SI: variants seen among roughly 807,000 people sequenced by gnomAD.
SI encodes the protein sucrase-isomaltase.
In SI, 235 loss-of-function variants were observed where a neutral mutation model predicts 253.3. The observed-to-expected ratio is 0.93, with a 90% CI of 0.83 to 1.03. SI has a LOEUF of 1.03. Ranked by LOEUF, SI falls within the 50% of genes least tolerant of loss-of-function variation. The pLI, the probability that SI is intolerant of heterozygous loss-of-function variation, is 0.00. For missense variants in SI, 2,442 were observed against 2,211.1 expected (o/e 1.10, Z -2.09); for synonymous variants, 819 against 712.0 (o/e 1.15, Z -2.39).
chr3:165,086,068 A>G, the SI span, among the ~76,000 whole-genome samples: 4 of 152,096 alleles, frequency 2.6e-5, no homozygotes, highest in African/African-American at 4.8e-5. Flanking sequence ...AGCCTAGTCA[A>G]CATAGTGAAA....
chr3:164,995,441 C>A (rs1717966008), intron 40 of SI, among the ~76,000 whole-genome samples: 1 of 151,766 alleles, frequency 6.6e-6, no homozygotes, highest in Non-Finnish European at 1.5e-5. Context: ...GCATCTAATT[C>A]TAAACTATAC....
intron 25 of SI, among the ~76,000 whole-genome samples, chr3:165,029,591 T>TCCAC (rs1486571450): frequency 6.9e-6 from 1 of 145,534 alleles, no homozygotes; most frequent in East Asian, 2.0e-4. Flanking sequence ...CATATATATG[T>TCCAC]ATATATATAC....
chr3:164,993,823 T>C (rs1717887377), intron 41 of SI, among the ~76,000 whole-genome samples: 1 of 151,666 alleles, frequency 6.6e-6, no homozygotes, highest in African/African-American at 2.4e-5. Flanking sequence ...GTGTATCTCA[T>C]TGGGATACAT....
Position 165,048,584 on chromosome 3 carries a change from TAGAGAG to T in SI, c.1715+537_1715+542del, listed in dbSNP as rs566703011. 2.5e-4 allele frequency among the ~76,000 whole-genome samples: 31 copies of T among 125,262 alleles called. No homozygotes were observed. The South Asian group carries it at 6.1e-3, about 25-fold the overall frequency. The allele number at this position is 125,262 out of a possible 152,430, so 82.2% of individuals were successfully genotyped here. A position where few individuals can be genotyped will look rare whatever the true frequency, so the allele number is the denominator to read the frequency against. ...ATATATATGTATATATATATATATA[TAGAGAG>T]AGAGAGAGAGAGAGAGAGTCATTCT... On this transcript the variant is annotated intron_variant, in intron 15 of 47. Coordinates refer to ENST00000264382, the MANE Select transcript of SI (RefSeq NM_001041.4).
At chr3:165,088,035 T>G in the SI span, among the ~76,000 whole-genome samples, 1 of 152,126 alleles carries the variant, frequency 6.6e-6, no homozygotes, top group African/African-American at 2.4e-5. Flanking sequence ...AAAATTCATA[T>G]GTATGTAAAA....
intron 47 of SI, among the ~76,000 whole-genome samples, chr3:164,979,747 T>G (rs1355099006): frequency 6.6e-6 from 1 of 151,818 alleles, no homozygotes; most frequent in Non-Finnish European, 1.5e-5. Context: ...AAATATGGAG[T>G]TATTTATAAC....
intron 12 of SI, among the ~76,000 whole-genome samples, chr3:165,055,732 A>C (rs917123478): frequency 1.3e-5 from 2 of 152,216 alleles, no homozygotes; most frequent in South Asian, 2.1e-4. Context: ...ATTTGTATGA[A>C]TAAACATGAA....
chr3:165,032,024 C>T (rs899838633), intron 24 of SI, among the ~76,000 whole-genome samples: 2 of 150,978 alleles, frequency 1.3e-5, no homozygotes, highest in Non-Finnish European at 3.0e-5. Context: ...AGGCTTTCTA[C>T]AGGAGAAGAA....
rs1712310758 is a variant in SI at position 165,032,618 on chromosome 3, G to A, written c.2640C>T (p.Ile880=). Residue 880 remains isoleucine (I), a synonymous_variant, in exon 24 of 48, where the codon ATC becomes ATT. Transcript: ENST00000264382. ...GTTLAFQTVK[I]LGLTDSVTEV... Reference sequence around the variant, plus strand: ...CTGTAACACTGTCTGTCAACCCAAGGATTTTTACAGTCTGAAATGCTAAGG... The same window carrying A: ...CTGTAACACTGTCTGTCAACCCAAGAATTTTTACAGTCTGAAATGCTAAGG... 1 of 1,608,110 alleles carries A rather than the reference G, an allele frequency of 6.2e-7. No individual in the cohort carries two copies. Among genetic ancestry groups the A allele is most frequent in the Admixed American group, 1.7e-5 (1 of 59,572 alleles).
At chr3:165,053,922 T>C (rs1403279682) in intron 13 of SI, among the ~76,000 whole-genome samples, 1 of 151,916 alleles carries the variant, frequency 6.6e-6, no homozygotes, top group East Asian at 1.9e-4. Flanking sequence ...CAATTGCTAG[T>C]TATTAGTGGT....
intron 15 of SI, 127 bp downstream of exon 15, chr3:165,049,000 C>T: frequency 4.4e-6 from 3 of 683,842 alleles, no homozygotes; most frequent in Non-Finnish European, 8.0e-6. Flanking sequence ...AACTTTTTAG[C>T]AGGCATAAAA....
chr3:165,076,630 G>A (rs762747088), intron 1 of SI, among the ~76,000 whole-genome samples: 4 of 151,360 alleles, frequency 2.6e-5, no homozygotes, highest in Non-Finnish European at 4.4e-5. Flanking sequence ...AAAATCTTTT[G>A]AATTTTCACC....
At chr3:165,035,513 T>C (rs187505503) in intron 22 of SI, among the ~76,000 whole-genome samples, 1 of 151,774 alleles carries the variant, frequency 6.6e-6, no homozygotes, top group East Asian at 1.9e-4. Context: ...TTTTTAAATA[T>C]ACACATTTTC....
intron 27 of SI, 94 bp from the exon 28 acceptor site, chr3:165,019,864 A>G: frequency 8.9e-7 from 1 of 1,129,172 alleles, no homozygotes; most frequent in Non-Finnish European, 1.3e-6. Flanking sequence ...ATTATCTAAA[A>G]ATCAATATTA....
intron 20 of SI, 70 bp from the exon 21 acceptor site, chr3:165,038,094 A>G: frequency 7.1e-7 from 1 of 1,403,044 alleles, no homozygotes; most frequent in Non-Finnish European, 1.0e-6. Context: ...ACAAGAATTA[A>G]AAGGCATTTT....
intron 26 of SI, among the ~76,000 whole-genome samples, chr3:165,023,011 G>T (rs1050501502): frequency 1.3e-5 from 2 of 151,370 alleles, no homozygotes; most frequent in South Asian, 4.1e-4. Flanking sequence ...TTGCTAATGA[G>T]ATTTGTTGCC....
At chr3:165,040,799 GC>G in intron 18 of SI, 140 bp downstream of exon 18, 1 of 646,068 alleles carries the variant, frequency 1.5e-6, no homozygotes. Flanking sequence ...TCATTATATA[GC>G]TCTTCAAATC....
the SI span, among the ~76,000 whole-genome samples, chr3:165,086,561 G>T: frequency 6.6e-6 from 1 of 152,136 alleles, no homozygotes; most frequent in African/African-American, 2.4e-5. Flanking sequence ...TCTAGATTCT[G>T]CCTTCTGCAC....
At chr3:165,065,735 A>AGGC (rs1714215990) in intron 6 of SI, among the ~76,000 whole-genome samples, 1 of 151,588 alleles carries the variant, frequency 6.6e-6, no homozygotes, top group Non-Finnish European at 1.5e-5. Context: ...AAACTGGGAT[A>AGGC]ATTAATTGAT....
Sources: allele counts gnomAD v4.1 joint callset (sites outside exome capture counted in the v4.1 genomes callset), GRCh38; gene constraint gnomAD v4.1.1; transcripts MANE v1.5; gene names NCBI Gene and HGNC (gene_info 2026-07-23, HGNC 2026-07-21).